The following MYO1E variants were observed in gnomAD, a reference collection of about 807,000 sequenced individuals.
MYO1E encodes the protein myosin IE.
A neutral mutation model predicts 151.1 loss-of-function variants in MYO1E; 68 were observed. The ratio of observed to expected loss-of-function variants is 0.45; its 90% CI spans 0.37 to 0.55. MYO1E has a LOEUF of 0.55. Ranked by LOEUF, MYO1E falls within the 20% of genes least tolerant of loss-of-function variation. The pLI is 0.00. For missense variants in MYO1E, 1,363 were observed against 1,389.3 expected (o/e 0.98, Z 0.30); for synonymous variants, 601 against 501.7 (o/e 1.20, Z -2.64).
rs75491485 is a variant in MYO1E at position 59,242,335 on chromosome 15, C to G, written c.333-5663G>C. ...CTGGGCGTGGAACATATAACTGTGC[C>G]AAAAGGTAAGGAAATGTACAGTGAC... On this transcript the variant is annotated intron_variant, in intron 4 of 27. Coordinates refer to ENST00000288235, the MANE Select transcript of MYO1E (RefSeq NM_004998.4). Among the ~76,000 whole-genome samples the G allele has an allele frequency of 1.3e-3, 200 of 152,140 alleles. 1 individual carries two copies. The highest frequency in any genetic ancestry group is 4.6e-3 in the African/African-American group (189 of 41,496).
intron 17 of MYO1E, among the ~76,000 whole-genome samples, chr15:59,189,389 C>T (rs186530035): frequency 6.4e-4 from 97 of 152,050 alleles, no homozygotes; most frequent in African/African-American, 2.3e-3. Flanking sequence ...CTTCACTTTC[C>T]CTTCCCTTTT....
At chr15:59,302,529 A>C (rs1228930712) in intron 1 of MYO1E, among the ~76,000 whole-genome samples, 2 of 152,206 alleles carry the variant, frequency 1.3e-5, no homozygotes, top group East Asian at 3.9e-4. Flanking sequence ...GCCAGGAGGA[A>C]AAGTTCTGTG....
At chr15:59,372,139 G>A (rs1442411536) in intron 1 of MYO1E, among the ~76,000 whole-genome samples, 1 of 151,324 alleles carries the variant, frequency 6.6e-6, no homozygotes, top group Non-Finnish European at 1.5e-5. Flanking sequence ...CACCTCCCCT[G>A]CCGGCTGCGC....
chr15:59,173,591 A>G (rs565500268), intron 21 of MYO1E, among the ~76,000 whole-genome samples, 155 bp downstream of exon 21: 1 of 152,354 alleles, frequency 6.6e-6, no homozygotes, highest in African/African-American at 2.4e-5. Context: ...GTTTCTGGGC[A>G]TAGGTGCCTG....
chr15:59,281,562 C>T (rs1361866353), intron 1 of MYO1E, among the ~76,000 whole-genome samples: 1 of 152,020 alleles, frequency 6.6e-6, no homozygotes, highest in African/African-American at 2.4e-5. Context: ...AGGCGTGAGC[C>T]ACCGCGCCCG....
chr15:59,178,330 T>G, intron 19 of MYO1E, 63 bp downstream of exon 19: 1 of 1,588,624 alleles, frequency 6.3e-7, no homozygotes, highest in Middle Eastern at 1.8e-4. Flanking sequence ...AGCTGAGGGG[T>G]GGAGCAGGGC....
chr15:59,287,872 A>G (rs547315825), intron 1 of MYO1E, among the ~76,000 whole-genome samples: 1 of 152,196 alleles, frequency 6.6e-6, no homozygotes, highest in African/African-American at 2.4e-5. Context: ...GCAACCCTCA[A>G]CTAGAAGGAG....
intron 1 of MYO1E, among the ~76,000 whole-genome samples, chr15:59,326,327 G>A (rs2080664076): frequency 6.6e-6 from 1 of 152,026 alleles, no homozygotes; most frequent in Admixed American, 6.5e-5. Flanking sequence ...AGACCATCCT[G>A]GCCAACATGG....
chr15:59,312,300 G>T (rs1229740342), intron 1 of MYO1E, among the ~76,000 whole-genome samples: 1 of 152,146 alleles, frequency 6.6e-6, no homozygotes, highest in African/African-American at 2.4e-5. Flanking sequence ...TTTTACAACT[G>T]AAAGAGTTCA....
intron 4 of MYO1E, among the ~76,000 whole-genome samples, chr15:59,238,715 G>A (rs187383397): frequency 3.3e-5 from 5 of 152,036 alleles, no homozygotes; most frequent in African/African-American, 9.6e-5. Context: ...GGGATTACAG[G>A]TGTGCACCAC....
intron 4 of MYO1E, among the ~76,000 whole-genome samples, chr15:59,255,417 T>A (rs2080188576): frequency 6.6e-6 from 1 of 151,816 alleles, no homozygotes; most frequent in Non-Finnish European, 1.5e-5. Context: ...TTTTTCAAGA[T>A]GGAGTCTCAC....
At chr15:59,165,131 A>G (rs983316088) in intron 22 of MYO1E, among the ~76,000 whole-genome samples, 2 of 152,206 alleles carry the variant, frequency 1.3e-5, no homozygotes, top group Admixed American at 6.5e-5. Flanking sequence ...TACTGTTTAC[A>G]TATTACCCAC....
rs571037497 is a variant in MYO1E at position 59,172,184 on chromosome 15, C to A, written c.2335-142G>T. On this transcript the variant is annotated intron_variant, in intron 21 of 27. Coordinates refer to ENST00000288235, the MANE Select transcript of MYO1E (RefSeq NM_004998.4). Reference sequence around the variant, plus strand: ...CCAGCCTGACCAACATGGTGAAACCCCGTCTCTACTGAAAATACAAAAATT... The same window carrying A: ...CCAGCCTGACCAACATGGTGAAACCACGTCTCTACTGAAAATACAAAAATT... 305 of 929,530 alleles carry A rather than the reference C, an allele frequency of 3.3e-4. 4 individuals are homozygous for A. In the South Asian group the frequency reaches 4.3e-3, roughly 13 times the overall value. The allele number at this position is 929,530 out of a possible 1,614,324, so 57.6% of individuals were successfully genotyped here. A position where few individuals can be genotyped will look rare whatever the true frequency, so the allele number is the denominator to read the frequency against.
At chr15:59,311,333 T>C (rs1391991913) in intron 1 of MYO1E, among the ~76,000 whole-genome samples, 2 of 151,894 alleles carry the variant, frequency 1.3e-5, no homozygotes, top group Admixed American at 6.6e-5. Context: ...GTCCCTCACA[T>C]GCGCAGTTCA....
intron 1 of MYO1E, among the ~76,000 whole-genome samples, chr15:59,277,366 G>A (rs2080325216): frequency 6.6e-6 from 1 of 152,076 alleles, no homozygotes; most frequent in South Asian, 2.1e-4. Flanking sequence ...CCAACATAGT[G>A]AAACCCTGTT....
intron 9 of MYO1E, among the ~76,000 whole-genome samples, chr15:59,220,706 T>G (rs1159127145): frequency 6.6e-6 from 1 of 151,930 alleles, no homozygotes; most frequent in Non-Finnish European, 1.5e-5. Context: ...TAGTGTTCAT[T>G]CAGTCTTGTA....
rs201450652 is a variant in MYO1E, at chr15:59,138,344, C to A, written c.3104G>T (p.Arg1035Leu). The change falls in exon 27 of 28, where the codon CGG (arginine) becomes CTG (leucine). Residue 1035 changes from arginine to leucine, a missense_variant. By Grantham distance (102) the Arg-to-Leu change is moderately radical. Coordinates refer to ENST00000288235, the MANE Select transcript of MYO1E (RefSeq NM_004998.4). ...GGGTCTGCCCCCTGCTGGGGGAGGC[C>A]GACTGGTTGTTTGTCTCCTGACCCT... ...AAGVRRQTTS[R>L]PPPAGGRPKP... 1.2e-6 allele frequency: 2 copies of A among 1,613,970 alleles called. No homozygotes were observed. Among genetic ancestry groups the A allele is most frequent in the Non-Finnish European group, 1.7e-6 (2 of 1,180,012 alleles).
chr15:59,296,009 T>C (rs1358743082), intron 1 of MYO1E, among the ~76,000 whole-genome samples: 1 of 152,158 alleles, frequency 6.6e-6, no homozygotes, highest in African/African-American at 2.4e-5. Flanking sequence ...TAGACTGCTT[T>C]TAACCCAGAG....
chr15:59,308,423 G>A (rs2080528985), intron 1 of MYO1E, among the ~76,000 whole-genome samples: 4 of 151,996 alleles, frequency 2.6e-5, no homozygotes, highest in African/African-American at 9.7e-5. Flanking sequence ...TGTAATCCCA[G>A]CACTTTGGGA....
Sources: allele counts gnomAD v4.1 joint callset (sites outside exome capture counted in the v4.1 genomes callset), GRCh38; gene constraint gnomAD v4.1.1; transcripts MANE v1.5; gene names NCBI Gene and HGNC (gene_info 2026-07-23, HGNC 2026-07-21).